The following EPHB4 variants were observed in gnomAD, a reference collection of about 807,000 sequenced individuals.
The protein encoded by EPHB4 is EPH receptor B4, also known as ephrin type-B receptor 4.
Under a neutral mutation model 110.6 loss-of-function variants are expected in EPHB4, and 50 were observed. The observed-to-expected ratio is 0.45, with a 90% CI of 0.36 to 0.57. The LOEUF (loss-of-function observed/expected upper bound fraction) is 0.57. EPHB4 is among the 20% of genes least tolerant of loss of function. The probability of loss-of-function intolerance (pLI) is 0.00; values close to 1 mark genes in which losing one functional copy is unlikely to be tolerated. For missense variants in EPHB4, 1,128 were observed against 1,382.1 expected (o/e 0.82, Z 2.91); for synonymous variants, 592 against 578.4 (o/e 1.02, Z -0.34).
At chr7:100,805,837 C>T (rs1331162162) in intron 14 of EPHB4, 143 bp from the exon 15 acceptor site, 12 of 805,482 alleles carry the variant, frequency 1.5e-5, no homozygotes, top group Non-Finnish European at 2.1e-5. Context: ...TCCTCCTAGC[C>T]GGAGTTGAAG....
intron 12 of EPHB4, among the ~76,000 whole-genome samples, chr7:100,809,567 G>A (rs1361740262): frequency 1.3e-5 from 2 of 152,190 alleles, no homozygotes; most frequent in Non-Finnish European, 2.9e-5. Context: ...AGGCTGGAAT[G>A]CAGTAGTGCA....
intron 1 of EPHB4, 23 bp downstream of exon 1, chr7:100,826,955 GC>G (rs141919245): frequency 1.8e-4 from 262 of 1,484,808 alleles, no homozygotes; most frequent in African/African-American, 1.8e-3. Context: ...GACGGGGTGC[GC>G]CCCCCCCCGC....
chr7:100,826,606 T>C (rs907728783), intron 1 of EPHB4, among the ~76,000 whole-genome samples: 4 of 152,020 alleles, frequency 2.6e-5, no homozygotes, highest in South Asian at 4.2e-4. Flanking sequence ...TCCAGAAACC[T>C]TCCCTCATGT....
rs1584652949 is a variant in EPHB4, at chr7:100,805,580, A to G, written c.2599T>C (p.Phe867Leu). 6.4e-7 allele frequency: 1 copy of G among 1,551,228 alleles called. No individual in the cohort carries two copies. Residue 867 changes from phenylalanine (F) to leucine (L), a missense_variant, in exon 15 of 17, where the codon TTC (phenylalanine) becomes CTC (leucine). By Grantham distance (22) the Phe-to-Leu change is conservative (BLOSUM62 0). This residue lies in a region of EPHB4 where 209 missense variants were observed against 240.5 expected (regional missense o/e 0.87). Coordinates refer to ENST00000358173, the MANE Select transcript of EPHB4 (RefSeq NM_004444.5). ...WQKDRNARPR[F>L]PQVVSALDKM... The stretch of plus-strand genomic sequence containing the variant: ...TCCAGGGCGCTGACCACCTGGGGGA[A>G]GCGGGGCCGGGCATTCCGGTCTTTC...
intron 12 of EPHB4, among the ~76,000 whole-genome samples, chr7:100,807,856 T>A (rs971834190): frequency 6.6e-5 from 10 of 152,136 alleles, no homozygotes; most frequent in Non-Finnish European, 1.5e-5. Flanking sequence ...CTTTAACTCC[T>A]GGCCTGAAGC....
rs1192105637 is a variant in EPHB4 at position 100,802,899 on chromosome 7, A to C, written c.*562T>G. Reference sequence around the variant, plus strand: ...CGGTAGAAAAACAAAACGAAGAAACAAAAAGGGAACGGGGAGAAAAATTAA... The same window carrying C: ...CGGTAGAAAAACAAAACGAAGAAACCAAAAGGGAACGGGGAGAAAAATTAA... On this transcript the variant is annotated 3_prime_UTR_variant, in exon 17 of 17. Coordinates refer to ENST00000358173, the MANE Select transcript of EPHB4 (RefSeq NM_004444.5). 2.0e-5 allele frequency: 3 copies of C among 152,272 alleles called. No individual in the cohort carries two copies. Among genetic ancestry groups the C allele is most frequent in the African/African-American group, 7.2e-5 (3 of 41,464 alleles). 9.4% of individuals were successfully genotyped at this position (152,272 alleles called of 1,614,324 possible). A position where few individuals can be genotyped will look rare whatever the true frequency, so the allele number is the denominator to read the frequency against.
chr7:100,805,615 T>C lies in EPHB4; in HGVS notation c.2564A>G (p.Asp855Gly). ...GGCATTCCGGTCTTTCTGCCAACAG[T>C]CCAGCATGAGCTGGTGGAGGGAGGT... ...CPTSLHQLML[D>G]CWQKDRNARP... is the part of the protein sequence containing the mutation. The change falls in exon 15 of 17, where the codon GAC becomes GGC. Residue 855 changes from aspartate to glycine, a missense_variant. Around this residue, in one of 3 missense-constraint regions of EPHB4, gnomAD observed 209 missense variants for 240.5 expected, o/e 0.87. Coordinates refer to ENST00000358173, the MANE Select transcript of EPHB4 (RefSeq NM_004444.5). 2 of 1,562,154 alleles carry C rather than the reference T, an allele frequency of 1.3e-6. No homozygotes were observed. The highest frequency in any genetic ancestry group is 1.2e-5 in the South Asian group (1 of 83,750).
At position 100,818,190 on chromosome 7, in the gene EPHB4, G is replaced by T. The variant is rs140665222; in HGVS notation, c.1422+330C>A. ...CCCATTTTAAGTTTTTTATAGAGATGAAGTTTCACCATGTTGCCCAGGCTG... is the reference window on the plus strand; with the variant it reads ...CCCATTTTAAGTTTTTTATAGAGATTAAGTTTCACCATGTTGCCCAGGCTG... On this transcript the variant is annotated intron_variant, in intron 7 of 16. Transcript: ENST00000358173. Among the ~76,000 whole-genome samples, 150 of 151,820 alleles carry T rather than the reference G, an allele frequency of 9.9e-4. 1 individual carries two copies. In the East Asian group the frequency reaches 0.026, roughly 26 times the overall value.
rs142239369 is a variant in EPHB4 at position 100,819,100 on chromosome 7, C to T, written c.1298-456G>A. ...CCAGCCCAGCTTTACGAGCTCCTCA[C>T]CCTCTCTTTCTTATTCATTTATTTT... On this transcript the variant is annotated intron_variant, in intron 6 of 16. Coordinates refer to ENST00000358173, the MANE Select transcript of EPHB4 (RefSeq NM_004444.5). Among the ~76,000 whole-genome samples, 184 of 152,076 alleles carry T rather than the reference C, an allele frequency of 1.2e-3. 1 individual carries two copies. The highest frequency in any genetic ancestry group is 3.7e-3 in the African/African-American group (152 of 41,490).
chr7:100,813,217 T>G lies in EPHB4; in HGVS notation c.1757-9A>C. 2 of 1,598,066 alleles carry G rather than the reference T, an allele frequency of 1.3e-6. No homozygotes were observed. The highest frequency in any genetic ancestry group is 1.7e-6 in the Non-Finnish European group (2 of 1,178,156). On this transcript the variant is annotated splice_polypyrimidine_tract_variant and intron_variant, in intron 10 of 16. Transcript: ENST00000358173. The stretch of plus-strand genomic sequence containing the variant: ...GATGTAGACCTTAGTACCTGAGAAA[T>G]CAGGCAGGGCCCCGTCAGCTGGGAA...
At chr7:100,810,228 C>T (rs550386668) in intron 12 of EPHB4, among the ~76,000 whole-genome samples, 10 of 152,124 alleles carry the variant, frequency 6.6e-5, no homozygotes, top group African/African-American at 1.7e-4. Flanking sequence ...CCAGCCTGGG[C>T]GACAGCAGGA....
intron 12 of EPHB4, among the ~76,000 whole-genome samples, chr7:100,808,586 A>T (rs1161571691): frequency 6.6e-6 from 1 of 152,158 alleles, no homozygotes; most frequent in Non-Finnish European, 1.5e-5. Context: ...GCTCTCTTGG[A>T]CTAGCTGTGT....
At chr7:100,818,153 T>C (rs1813128864) in intron 7 of EPHB4, among the ~76,000 whole-genome samples, 2 of 151,838 alleles carry the variant, frequency 1.3e-5, no homozygotes, top group African/African-American at 2.4e-5. Context: ...AGGCGTAAGC[T>C]ACCGCGCCCG....
At chr7:100,813,391 C>G in intron 10 of EPHB4, 183 bp from the exon 11 acceptor site, 1 of 624,072 alleles carries the variant, frequency 1.6e-6, no homozygotes, top group East Asian at 3.0e-5. Context: ...TCTTGGCTCA[C>G]TGCAATCTCC....
rs1396744534 is a variant in EPHB4, at chr7:100,805,198, G to A, written c.2802C>T (p.Gly934=). The A allele has an allele frequency of 7.4e-6, 12 of 1,613,062 alleles. No homozygotes were observed. The highest frequency in any genetic ancestry group is 2.2e-5 in the East Asian group (1 of 44,874). The change falls in exon 16 of 17, where the codon GGC becomes GGT. Residue 934 remains glycine (G), a synonymous_variant. Coordinates refer to ENST00000358173, the MANE Select transcript of EPHB4 (RefSeq NM_004444.5). ...AGATCTGGCTGACCAGCTCGAAGGA[G>A]CCAAAGCCAGCGGCTGCGAAACTTT... ...YEESFAAAGF[G]SFELVSQISA... is the part of the protein sequence containing the mutation.
intron 8 of EPHB4, among the ~76,000 whole-genome samples, chr7:100,816,850 G>A (rs1380852261): frequency 1.3e-5 from 2 of 152,070 alleles, no homozygotes; most frequent in African/African-American, 4.8e-5. Flanking sequence ...TCGGGAGGCC[G>A]AGGCGGGCGA....
Position 100,827,033 on chromosome 7 carries a change from C to A in EPHB4, c.-3G>T, listed in dbSNP as rs1347240216. On this transcript the variant is annotated 5_prime_UTR_variant, in exon 1 of 17. Transcript: ENST00000358173. ...CAGAGCAGCACCCGGAGCTCCATGG[C>A]GCCGCCTCACTCGGGTAGGATCCGA... 16 of 1,581,290 alleles carry A rather than the reference C, an allele frequency of 1.0e-5. No homozygotes were observed. Among genetic ancestry groups the A allele is most frequent in the Non-Finnish European group, 1.3e-5 (15 of 1,164,064 alleles).
chr7:100,805,559 G>T lies in EPHB4; in HGVS notation c.2620C>A (p.Leu874Met). ...RPRFPQVVSA[L>M]DKMIRNPASL... The stretch of plus-strand genomic sequence containing the variant: ...GCGGGGTTCCGGATCATCTTGTCCA[G>T]GGCGCTGACCACCTGGGGGAAGCGG... Residue 874 changes from leucine (L) to methionine (M), a missense_variant, in exon 15 of 17, where the codon CTG becomes ATG. Transcript: ENST00000358173. The T allele has an allele frequency of 6.5e-7, 1 of 1,538,974 alleles. No individual in the cohort carries two copies. Among genetic ancestry groups the T allele is most frequent in the Non-Finnish European group, 8.7e-7 (1 of 1,144,408 alleles).
Position 100,813,688 on chromosome 7 carries a change from A to G in EPHB4, c.1720T>C (p.Tyr574His), listed in dbSNP as rs1237602878. Residue 574 changes from tyrosine (Y) to histidine (H), a missense_variant, in exon 10 of 17, where the codon TAT (tyrosine) becomes CAT (histidine). Around this residue, in one of 3 missense-constraint regions of EPHB4, gnomAD observed 728 missense variants for 828.6 expected, o/e 0.88. Transcript: ENST00000358173. Reference protein sequence around the residue: ...RKQSNGREAEYSDKHGQYLIG... With the variant: ...RKQSNGREAEHSDKHGQYLIG... The stretch of plus-strand genomic sequence containing the variant: ...AGATACTGTCCGTGTTTGTCCGAAT[A>G]TTCTGCTTCTCTCCCATTGCTCTGC... 1 of 1,614,128 alleles carries G rather than the reference A, an allele frequency of 6.2e-7. No individual in the cohort carries two copies. Among genetic ancestry groups the G allele is most frequent in the Non-Finnish European group, 8.5e-7 (1 of 1,180,036 alleles).
Sources: allele counts gnomAD v4.1 joint callset (sites outside exome capture counted in the v4.1 genomes callset), GRCh38; gene constraint gnomAD v4.1.1; regional missense constraint gnomAD v4.1.1; transcripts MANE v1.5; gene names NCBI Gene and HGNC (gene_info 2026-07-23, HGNC 2026-07-21).